The following CTNNA3 variants were observed in gnomAD, a reference collection of about 807,000 sequenced individuals.
CTNNA3 encodes catenin alpha 3.
Under a neutral mutation model 95.7 loss-of-function variants are expected in CTNNA3, and 76 were observed. The ratio of observed to expected loss-of-function variants is 0.79; its 90% CI spans 0.66 to 0.96. The LOEUF is 0.96. CTNNA3 is among the 40% of genes least tolerant of loss of function. The probability of loss-of-function intolerance (pLI) is 0.00; values close to 1 mark genes in which losing one functional copy is unlikely to be tolerated. For missense variants in CTNNA3, 1,191 were observed against 1,089.8 expected (o/e 1.09, Z -1.31); for synonymous variants, 431 against 374.4 (o/e 1.15, Z -1.74).
At chr10:66,235,700 C>T (rs1487377329) in intron 13 of CTNNA3, among the ~76,000 whole-genome samples, 1 of 151,952 alleles carries the variant, frequency 6.6e-6, no homozygotes, top group Non-Finnish European at 1.5e-5. Context: ...AATAGATCCG[C>T]CATGAACATA....
At chr10:66,691,396 G>A (rs573589769) in intron 9 of CTNNA3, among the ~76,000 whole-genome samples, 8 of 152,268 alleles carry the variant, frequency 5.3e-5, no homozygotes, top group East Asian at 3.9e-4. Context: ...AGGCAGCAGC[G>A]AGGCTGGGGG....
chr10:66,956,383 CT>C (rs1317118603), intron 7 of CTNNA3, among the ~76,000 whole-genome samples: 1 of 151,972 alleles, frequency 6.6e-6, no homozygotes, highest in African/African-American at 2.4e-5. Context: ...GTAGGCATTG[CT>C]TGCTATCTTG....
intron 7 of CTNNA3, among the ~76,000 whole-genome samples, chr10:66,871,239 G>T (rs1014216381): frequency 2.6e-5 from 4 of 152,094 alleles, no homozygotes; most frequent in Non-Finnish European, 5.9e-5. Context: ...TGTATTCTCT[G>T]ATTTAAGCTA....
At chr10:66,436,668 T>A (rs186487649) in intron 11 of CTNNA3, among the ~76,000 whole-genome samples, 107 of 152,216 alleles carry the variant, frequency 7.0e-4, no homozygotes, top group Non-Finnish European at 5.0e-4. Context: ...TGTCTTTTAA[T>A]TGGGGCATTT....
At chr10:67,198,904 T>G (rs1455337498) in intron 6 of CTNNA3, among the ~76,000 whole-genome samples, 5 of 152,200 alleles carry the variant, frequency 3.3e-5, no homozygotes, top group Admixed American at 6.5e-5. Flanking sequence ...AGCCTTATTT[T>G]TTCCCTTGGT....
chr10:67,474,885 T>G (rs1047158745), intron 5 of CTNNA3, among the ~76,000 whole-genome samples: 1 of 152,344 alleles, frequency 6.6e-6, no homozygotes, highest in South Asian at 2.1e-4. Flanking sequence ...ATAAAGTTAA[T>G]TATATGCTAC....
chr10:66,698,102 T>C (rs1847829466), intron 9 of CTNNA3, among the ~76,000 whole-genome samples: 1 of 152,104 alleles, frequency 6.6e-6, no homozygotes, highest in South Asian at 2.1e-4. Flanking sequence ...CCATAATGGG[T>C]CTTGCTGAGA....
chr10:67,091,066 TTTC>T, intron 7 of CTNNA3, among the ~76,000 whole-genome samples: 1 of 152,050 alleles, frequency 6.6e-6, no homozygotes, highest in Non-Finnish European at 1.5e-5. Context: ...AAGGGACAGC[TTTC>T]TATTTTGACT....
chr10:67,585,400 C>T lies in CTNNA3; in HGVS notation c.292+21457G>A, dbSNP rs78130333. Reference sequence around the variant, plus strand: ...CCTCCTCAATTTTTTGTAAAAGTTTCAGGAGGATTAGAATTAGTGCTTTGT... The same window carrying T: ...CCTCCTCAATTTTTTGTAAAAGTTTTAGGAGGATTAGAATTAGTGCTTTGT... On this transcript the variant is annotated intron_variant, in intron 3 of 17. Transcript: ENST00000433211. 7.8e-3 allele frequency among the ~76,000 whole-genome samples: 1,190 copies of T among 152,218 alleles called. 15 individuals are homozygous for T. Among genetic ancestry groups the T allele is most frequent in the African/African-American group, 0.026 (1,098 of 41,536 alleles).
chr10:67,537,040 G>A (rs2133196990), intron 4 of CTNNA3, among the ~76,000 whole-genome samples: 1 of 152,222 alleles, frequency 6.6e-6, no homozygotes, highest in East Asian at 1.9e-4. Context: ...TCTTTGATAA[G>A]ATGCCACTTC....
At chr10:66,663,722 TAATC>T (rs1846342889) in intron 9 of CTNNA3, among the ~76,000 whole-genome samples, 2 of 152,274 alleles carry the variant, frequency 1.3e-5, no homozygotes, top group South Asian at 4.1e-4. Context: ...TCTAAAAAGT[TAATC>T]AGAGTTCAGT....
At chr10:67,220,774 TCTGGCAAG>T (rs1208442819) in intron 5 of CTNNA3, among the ~76,000 whole-genome samples, 1 of 151,928 alleles carries the variant, frequency 6.6e-6, no homozygotes, top group Non-Finnish European at 1.5e-5. Context: ...AAGAAAAAAA[TCTGGCAAG>T]CCCTACCTTA....
chr10:67,235,846 C>T (rs1460804353), intron 5 of CTNNA3, among the ~76,000 whole-genome samples: 14 of 140,984 alleles, frequency 9.9e-5, no homozygotes, highest in Non-Finnish European at 1.5e-4. Context: ...AAAAAGTGGG[C>T]GAAGGACATG....
At chr10:67,118,468 G>A (rs1021706994) in intron 7 of CTNNA3, among the ~76,000 whole-genome samples, 18 of 151,852 alleles carry the variant, frequency 1.2e-4, no homozygotes, top group African/African-American at 4.8e-5. Context: ...TAACTTTTAT[G>A]TTGAAGATCT....
At chr10:66,914,366 A>C (rs1241830476) in intron 7 of CTNNA3, among the ~76,000 whole-genome samples, 2 of 151,892 alleles carry the variant, frequency 1.3e-5, no homozygotes, top group Non-Finnish European at 2.9e-5. Flanking sequence ...TCCTGACCTC[A>C]TGATCTGCCC....
chr10:66,974,635 G>A (rs891753888), intron 7 of CTNNA3, among the ~76,000 whole-genome samples: 1 of 152,110 alleles, frequency 6.6e-6, no homozygotes, highest in Non-Finnish European at 1.5e-5. Context: ...TAATGTATAA[G>A]AGTTTCATTG....
At chr10:67,215,017 T>C (rs1404846015) in intron 6 of CTNNA3, among the ~76,000 whole-genome samples, 1 of 152,024 alleles carries the variant, frequency 6.6e-6, no homozygotes, top group Non-Finnish European at 1.5e-5. Context: ...GTTTTATACT[T>C]CTCTCTCTTC....
intron 13 of CTNNA3, among the ~76,000 whole-genome samples, chr10:66,177,667 G>A (rs775398437): frequency 5.3e-5 from 8 of 151,922 alleles, no homozygotes; most frequent in Non-Finnish European, 8.8e-5. Context: ...ATACCAAAAC[G>A]TAAGTGAGCA....
chr10:66,411,697 C>T (rs761217011), intron 11 of CTNNA3, among the ~76,000 whole-genome samples: 1 of 151,996 alleles, frequency 6.6e-6, no homozygotes, highest in Non-Finnish European at 1.5e-5. Flanking sequence ...TAATTTCAGA[C>T]AGTGATAAAT....
Sources: gnomAD v4.1 joint callset for allele counts (sites outside exome capture counted in the v4.1 genomes callset) on GRCh38, gnomAD v4.1.1 for gene constraint, MANE v1.5 for transcripts, NCBI Gene and HGNC (gene_info 2026-07-23, HGNC 2026-07-21) for gene names.